Variants in TAPBPL observed in about 807,000 individuals in gnomAD.
TAPBPL encodes the protein TAP binding protein like.
Under a neutral mutation model 44.8 loss-of-function variants are expected in TAPBPL, and 32 were observed. The observed-to-expected ratio is 0.71, with a 90% CI of 0.54 to 0.96. TAPBPL has a LOEUF of 0.96. Among genes scored for constraint, TAPBPL ranks in the 40% least tolerant of loss-of-function variants. TAPBPL has a pLI of 0.00. For missense variants in TAPBPL, 520 were observed against 586.6 expected (o/e 0.89, Z 1.17); for synonymous variants, 230 against 240.7 (o/e 0.96, Z 0.41).
intron 1 of TAPBPL, chr12:6,452,732 C>T (rs1051087813): frequency 6.1e-6 from 4 of 652,754 alleles, no homozygotes; most frequent in Admixed American, 7.5e-5. Context: ...TGTCCAGTCT[C>T]CTCTCTCTGC....
At chr12:6,466,124 T>C (rs1056905716), downstream of TAPBPL, 1 of 1,611,362 alleles carries the variant, frequency 6.2e-7, no homozygotes, top group East Asian at 2.2e-5. Flanking sequence ...CTCAGGGCCT[T>C]TGACTATTCT....
chr12:6,453,102 G>A lies in TAPBPL; in HGVS notation c.100G>A (p.Asp34Asn). The change falls in exon 2 of 7, where the codon GAC (aspartate) becomes AAC (asparagine). Residue 34 changes from aspartate (D) to asparagine (N), a missense_variant. Coordinates refer to ENST00000266556, the MANE Select transcript of TAPBPL (RefSeq NM_018009.5). This position sits in a 1 kb window ranked among gnomAD's most constrained non-coding sequence, Gnocchi z 4.8. ...AGCAGAGGGGCAGTGGCGGGCAGTGGACGTGGTCCTAGACTGCTTCCTGGC... is the reference window on the plus strand; with the variant it reads ...AGCAGAGGGGCAGTGGCGGGCAGTGAACGTGGTCCTAGACTGCTTCCTGGC... ...HPAEGQWRAV[D>N]VVLDCFLAKD... The A allele has an allele frequency of 6.3e-7, 1 of 1,578,910 alleles. No homozygotes were observed. The highest frequency in any genetic ancestry group is 8.6e-7 in the Non-Finnish European group (1 of 1,162,118).
At chr12:6,455,425 A>G (rs953812223) in intron 3 of TAPBPL, among the ~76,000 whole-genome samples, 16 of 152,184 alleles carry the variant, frequency 1.1e-4, no homozygotes, top group South Asian at 2.1e-4. Flanking sequence ...GGGAGTGCAG[A>G]CTGTAAAATA....
chr12:6,470,720 G>A, downstream of TAPBPL: 5 of 690,150 alleles, frequency 7.2e-6, no homozygotes, highest in South Asian at 6.9e-5. Context: ...TGCTGACCAC[G>A]CCTCCCGGAT....
chr12:6,463,551 C>T, downstream of TAPBPL: 1 of 1,055,320 alleles, frequency 9.5e-7, no homozygotes, highest in Non-Finnish European at 1.1e-6. The surrounding 1 kb of genome is among the most constrained non-coding windows in gnomAD (Gnocchi z 4.0). Context: ...GAGTGGCTTC[C>T]TCTGAGCTTG....
At chr12:6,459,537 T>C (rs1436793128) in intron 5 of TAPBPL, among the ~76,000 whole-genome samples, 1 of 152,306 alleles carries the variant, frequency 6.6e-6, no homozygotes, top group East Asian at 1.9e-4. Flanking sequence ...ACTCCCATTT[T>C]ACAGGTGAGT....
chr12:6,452,276 C>G lies in TAPBPL; in HGVS notation c.28C>G (p.Leu10Val). The G allele has an allele frequency of 6.3e-7, 1 of 1,574,860 alleles. No homozygotes were observed. The highest frequency in any genetic ancestry group is 8.6e-7 in the Non-Finnish European group (1 of 1,160,756). Residue 10 changes from leucine to valine, a missense_variant, in exon 1 of 7, where the codon CTG (leucine) becomes GTG (valine). Coordinates refer to ENST00000266556, the MANE Select transcript of TAPBPL (RefSeq NM_018009.5). ...GGGCACACAGGAGGGCTGGTGCCTG[C>G]TGCTCTGCCTGGCTCTATCTGGAGC... is the stretch of plus-strand genomic sequence containing the variant. MGTQEGWCL[L>V]LCLALSGAAE...
chr12:6,457,069 A>C (rs1352371998), intron 3 of TAPBPL, among the ~76,000 whole-genome samples: 1 of 152,242 alleles, frequency 6.6e-6, no homozygotes, highest in Non-Finnish European at 1.5e-5. Flanking sequence ...TGGAACAACC[A>C]GGGTTTCAGA....
intron 6 of TAPBPL, 95 bp from the exon 7 acceptor site, chr12:6,461,939 C>A: frequency 2.0e-6 from 2 of 975,832 alleles, no homozygotes; most frequent in Non-Finnish European, 3.1e-6. Context: ...TAGGAAGGAG[C>A]ACAGGAGGCA....
chr12:6,468,298 G>A (rs956047135), downstream of TAPBPL, among the ~76,000 whole-genome samples: 2 of 152,170 alleles, frequency 1.3e-5, no homozygotes, highest in African/African-American at 4.8e-5. Flanking sequence ...ATGGTTATTG[G>A]TTTATATGCC....
chr12:6,463,230 C>T, downstream of TAPBPL: 10 of 1,408,734 alleles, frequency 7.1e-6, no homozygotes, highest in Non-Finnish European at 9.2e-6. The surrounding 1 kb of genome is among the most constrained non-coding windows in gnomAD (Gnocchi z 4.0). Context: ...GGGGAATATA[C>T]TACAGGAAGA....
intron 3 of TAPBPL, among the ~76,000 whole-genome samples, chr12:6,456,758 T>A (rs1949712618): frequency 6.6e-6 from 1 of 151,978 alleles, no homozygotes; most frequent in African/African-American, 2.4e-5. Flanking sequence ...ATTCAAGCAA[T>A]TCTCCTGTCT....
In TAPBPL at chr12:6,453,905, C is replaced by A. The variant is rs968996633; in HGVS notation, c.565+189C>A. Among the ~76,000 whole-genome samples the A allele has an allele frequency of 6.6e-6, 1 of 150,798 alleles. No homozygotes were observed. Among genetic ancestry groups the A allele is most frequent in the Non-Finnish European group, 1.5e-5 (1 of 67,736 alleles). ...TGGCGGGTGCCTGTAATCCCAGCTA[C>A]GAGGGAGGCTGAGGCAGGAGAATCG... On this transcript the variant is annotated intron_variant, in intron 3 of 6. Transcript: ENST00000266556. This position sits in a 1 kb window ranked among gnomAD's most constrained non-coding sequence, Gnocchi z 4.8.
chr12:6,468,834 G>T (rs775224086), downstream of TAPBPL, among the ~76,000 whole-genome samples: 1 of 152,098 alleles, frequency 6.6e-6, no homozygotes, highest in East Asian at 1.9e-4. Flanking sequence ...CCACAGGCAG[G>T]GGGGAGATCT....
At position 6,452,209 on chromosome 12, in the gene TAPBPL, G is replaced by C. The variant is rs768200900; in HGVS notation, c.-40G>C. ...CTCGCAAGCAGCGTAGGACTGTGGA[G>C]AAGGGCGGTGGGCAAGGAGGGAACT... On this transcript the variant is annotated 5_prime_UTR_variant, in exon 1 of 7. Coordinates refer to ENST00000266556, the MANE Select transcript of TAPBPL (RefSeq NM_018009.5). The C allele has an allele frequency of 6.4e-7, 1 of 1,558,588 alleles. No homozygotes were observed. The highest frequency in any genetic ancestry group is 1.3e-5 in the African/African-American group (1 of 74,172).
At position 6,457,649 on chromosome 12, in the gene TAPBPL, T is replaced by C; in HGVS notation, c.809T>C (p.Leu270Pro). The C allele has an allele frequency of 6.2e-7, 1 of 1,614,196 alleles. No individual in the cohort carries two copies. Among genetic ancestry groups the C allele is most frequent in the East Asian group, 2.2e-5 (1 of 44,882 alleles). Residue 270 changes from leucine (L) to proline (P), a missense_variant, in exon 4 of 7, where the codon CTG becomes CCG. By Grantham distance (98) the Leu-to-Pro change is moderately conservative. Transcript: ENST00000266556. The stretch of plus-strand genomic sequence containing the variant: ...ATGGCCAGGGATGCCTCCCTCACCC[T>C]GCCCGGCCTCACTATACAGGACGAG... ...LGMARDASLT[L>P]PGLTIQDEGT... is the part of the protein sequence containing the mutation.
rs1949734255 is a variant in TAPBPL at position 6,457,636 on chromosome 12, G to A, written c.796G>A (p.Ala266Thr). ...EPAQLGMARD[A>T]SLTLPGLTIQ... Reference sequence around the variant, plus strand: ...TGCACAACTGGGCATGGCCAGGGATGCCTCCCTCACCCTGCCCGGCCTCAC... The same window carrying A: ...TGCACAACTGGGCATGGCCAGGGATACCTCCCTCACCCTGCCCGGCCTCAC... Residue 266 changes from alanine (A) to threonine (T), a missense_variant, in exon 4 of 7, where the codon GCC (alanine) becomes ACC (threonine). Transcript: ENST00000266556. 6.2e-7 allele frequency: 1 copy of A among 1,614,184 alleles called. No individual in the cohort carries two copies. Among genetic ancestry groups the A allele is most frequent in the East Asian group, 2.2e-5 (1 of 44,884 alleles).
downstream of TAPBPL, chr12:6,464,755 A>C (rs1459941970): frequency 1.6e-5 from 24 of 1,530,040 alleles, no homozygotes; most frequent in Non-Finnish European, 2.1e-5. Context: ...GTCCCGAACC[A>C]GGTGACGATC....
In TAPBPL at chr12:6,453,963, C is replaced by T. The variant is rs1357887782; in HGVS notation, c.565+247C>T. Among the ~76,000 whole-genome samples the T allele has an allele frequency of 6.8e-6, 1 of 147,746 alleles. No homozygotes were observed. The highest frequency in any genetic ancestry group is 2.5e-5 in the African/African-American group (1 of 40,000). Reference sequence around the variant, plus strand: ...CCGGAAGGCAGAGGTTGCGGTGAGCCGAGATCACACCATGGCACTTCAGCC... The same window carrying T: ...CCGGAAGGCAGAGGTTGCGGTGAGCTGAGATCACACCATGGCACTTCAGCC... On this transcript the variant is annotated intron_variant, in intron 3 of 6. Transcript: ENST00000266556. This position sits in a 1 kb window ranked among gnomAD's most constrained non-coding sequence, Gnocchi z 4.8.
Sources: allele counts gnomAD v4.1 joint callset (sites outside exome capture counted in the v4.1 genomes callset), GRCh38; gene constraint gnomAD v4.1.1; non-coding constraint Gnocchi (gnomAD v3.1); transcripts MANE v1.5; gene names NCBI Gene and HGNC (gene_info 2026-07-23, HGNC 2026-07-21).